Variants in OAT observed in about 807,000 individuals in gnomAD.
OAT encodes the protein ornithine aminotransferase.
A neutral mutation model predicts 48.4 loss-of-function variants in OAT; 35 were observed. The ratio of observed to expected loss-of-function variants is 0.72; its 90% CI spans 0.55 to 0.96. OAT has a LOEUF of 0.96. Among genes scored for constraint, OAT ranks in the 40% least tolerant of loss-of-function variants. The pLI is 0.00. For missense variants in OAT, 438 were observed against 537.9 expected, an observed-to-expected ratio of 0.81 and a Z score of 1.84; for synonymous variants, 182 against 198.4, an observed-to-expected ratio of 0.92 and a Z score of 0.70.
intron 9 of OAT, among the ~76,000 whole-genome samples, chr10:124,399,026 C>G (rs7477313): frequency 0.35 from 52,848 of 151,374 alleles, 10,450 homozygotes; most frequent in East Asian, 0.63. Context: ...GAGCAAGGCA[C>G]TGTCTCAAAA....
At chr10:124,407,776 T>C (rs890832270) in intron 4 of OAT, among the ~76,000 whole-genome samples, 3 of 152,184 alleles carry the variant, frequency 2.0e-5, no homozygotes, top group Non-Finnish European at 4.4e-5. Flanking sequence ...TTGAATATCA[T>C]ATAAAGAACC....
intron 1 of OAT, 23 bp downstream of exon 1, chr10:124,418,850 G>C (rs1455473131): frequency 6.6e-6 from 1 of 151,866 alleles, no homozygotes; most frequent in Non-Finnish European, 1.5e-5. Flanking sequence ...CAGAGCCCCA[G>C]GACAGCGGCG....
chr10:124,415,826 T>C (rs1254952), intron 1 of OAT, among the ~76,000 whole-genome samples: 6 of 152,106 alleles, frequency 3.9e-5, no homozygotes, highest in Non-Finnish European at 7.3e-5. Context: ...AATGTTACTG[T>C]GCCAAATCCA....
In OAT at chr10:124,412,119, A is replaced by C. The variant is rs936776703; in HGVS notation, c.53T>G (p.Val18Gly). ...LQRFAVLSRG[V>G]HSSVASATSV... ...TGTAGCAGAAGCCACTGAAGAATGA[A>C]CTCCGCGACTAAGTACAGCAAACCT... Residue 18 changes from valine to glycine, a missense_variant, in exon 2 of 10, where the codon GTT (valine) becomes GGT (glycine). By Grantham distance (109) the Val-to-Gly change is moderately radical (BLOSUM62 -3). Transcript: ENST00000368845. 6.2e-7 allele frequency: 1 copy of C among 1,614,112 alleles called. No individual in the cohort carries two copies. The highest frequency in any genetic ancestry group is 2.2e-5 in the East Asian group (1 of 44,886).
At position 124,401,730 on chromosome 10, in the gene OAT, A is replaced by AG; in HGVS notation, c.1009dup (p.Leu337ProfsTer2). On this transcript the variant is annotated frameshift_variant, in exon 8 of 10. Coordinates refer to ENST00000368845, the MANE Select transcript of OAT (RefSeq NM_000274.4). LOFTEE classifies it high-confidence loss of function. ...TGTGGCTGTATCAGTCTTTACCTCA[A>AG]GGGCTGCGATGGCCACTCGGCAGCC... 5.6e-6 allele frequency: 9 copies of AG among 1,607,508 alleles called. No homozygotes were observed. The highest frequency in any genetic ancestry group is 6.0e-6 in the Non-Finnish European group (7 of 1,174,626).
At chr10:124,401,503 GT>G (rs1442441245) in intron 8 of OAT, among the ~76,000 whole-genome samples, 2 of 152,234 alleles carry the variant, frequency 1.3e-5, no homozygotes, top group Non-Finnish European at 2.9e-5. Context: ...AAAGCGCCAG[GT>G]GACTGTGAAC....
At chr10:124,417,592 T>G (rs891424790) in intron 1 of OAT, among the ~76,000 whole-genome samples, 3 of 152,138 alleles carry the variant, frequency 2.0e-5, no homozygotes, top group Non-Finnish European at 4.4e-5. Flanking sequence ...GGGCTAAAAA[T>G]AAGCTTTTTA....
intron 9 of OAT, among the ~76,000 whole-genome samples, chr10:124,400,626 G>A (rs1032827785): frequency 1.3e-4 from 20 of 151,966 alleles, no homozygotes; most frequent in Non-Finnish European, 1.5e-4. Flanking sequence ...GGTGACAGGC[G>A]CCTGTAATCC....
intron 4 of OAT, chr10:124,405,912 C>A: frequency 8.6e-7 from 1 of 1,164,640 alleles, no homozygotes; most frequent in South Asian, 1.8e-5. Context: ...TGCATGTTTT[C>A]TAGAGAAGGT....
intron 4 of OAT, among the ~76,000 whole-genome samples, chr10:124,406,785 A>C (rs1270285663): frequency 2.9e-5 from 4 of 138,148 alleles, no homozygotes; most frequent in African/African-American, 1.1e-4. Flanking sequence ...CTAGGTGACA[A>C]GAGTGAAACT....
At chr10:124,402,737 G>A (rs575991369) in intron 7 of OAT, among the ~76,000 whole-genome samples, 190 bp downstream of exon 7, 1 of 152,206 alleles carries the variant, frequency 6.6e-6, no homozygotes, top group South Asian at 2.1e-4. Flanking sequence ...AATTCTTCAG[G>A]CAATAAGTAA....
chr10:124,410,811 G>A (rs925096545), intron 2 of OAT, among the ~76,000 whole-genome samples: 1 of 151,648 alleles, frequency 6.6e-6, no homozygotes, highest in Admixed American at 6.6e-5. Context: ...AAGTCATTGC[G>A]TTTTTGGAAA....
chr10:124,411,982 T>C lies in OAT; in HGVS notation c.190A>G (p.Arg64Gly). The change falls in exon 2 of 10, where the codon AGA becomes GGA. Residue 64 changes from arginine to glycine, a missense_variant. Physicochemically the swap from Arg to Gly is moderately radical, Grantham distance 125. Transcript: ENST00000368845. ...NYHPLPVALE[R>G]GKGIYLWDVE... ...TTAATTTGAAACGTACCTTTTCCTC[T>C]CTCCAGGGCTACAGGTAAAGGATGG... is the stretch of plus-strand genomic sequence containing the variant. The C allele has an allele frequency of 6.2e-7, 1 of 1,614,018 alleles. No individual in the cohort carries two copies. The highest frequency in any genetic ancestry group is 1.1e-5 in the South Asian group (1 of 91,078).
chr10:124,403,134 C>T, intron 6 of OAT, 79 bp from the exon 7 acceptor site: 2 of 1,466,696 alleles, frequency 1.4e-6, no homozygotes, highest in Non-Finnish European at 1.9e-6. Context: ...TTTCACTGTC[C>T]CCCCACCAAC....
In OAT at chr10:124,411,987, A is replaced by G. The variant is rs376537352; in HGVS notation, c.185T>C (p.Leu62Pro). Reference sequence around the variant, plus strand: ...TTGAAACGTACCTTTTCCTCTCTCCAGGGCTACAGGTAAAGGATGGTAGTT... The same window carrying G: ...TTGAAACGTACCTTTTCCTCTCTCCGGGGCTACAGGTAAAGGATGGTAGTT... ...AHNYHPLPVA[L>P]ERGKGIYLWD... Residue 62 changes from leucine to proline, a missense_variant, in exon 2 of 10, where the codon CTG becomes CCG. Coordinates refer to ENST00000368845, the MANE Select transcript of OAT (RefSeq NM_000274.4). The G allele has an allele frequency of 1.2e-6, 2 of 1,613,988 alleles. No homozygotes were observed. The highest frequency in any genetic ancestry group is 1.7e-6 in the Non-Finnish European group (2 of 1,179,816).
Position 124,398,057 on chromosome 10 carries a change from A to C in OAT, c.1205T>G (p.Leu402Arg), listed in dbSNP as rs121965043. Residue 402 changes from leucine (L) to arginine (R), a missense_variant, in exon 10 of 10, where the codon CTT becomes CGT. Transcript: ENST00000368845. ...GTCGCCATGGGTTGGCTTGGCCAGAAGTCCATTATCTCGAAGTCGTAGACA... is the reference window on the plus strand; with the variant it reads ...GTCGCCATGGGTTGGCTTGGCCAGACGTCCATTATCTCGAAGTCGTAGACA... ...KVCLRLRDNG[L>R]LAKPTHGDII... 1.9e-6 allele frequency: 3 copies of C among 1,614,040 alleles called. No individual in the cohort carries two copies. Among genetic ancestry groups the C allele is most frequent in the Non-Finnish European group, 2.5e-6 (3 of 1,180,012 alleles).
At position 124,403,816 on chromosome 10, in the gene OAT, C is replaced by T. The variant is rs1589702393; in HGVS notation, c.753G>A (p.Glu251=). ...TGACAACCTGGTGCCTGGTGCAGAG[C>T]TCTCGCACTCCCATTAGGTAACCTG... ...PDPGYLMGVR[E]LCTRHQVLFI... The change falls in exon 6 of 10, where the codon GAG becomes GAA. Residue 251 remains glutamate, a synonymous_variant. Coordinates refer to ENST00000368845, the MANE Select transcript of OAT (RefSeq NM_000274.4). 1 of 1,614,166 alleles carries T rather than the reference C, an allele frequency of 6.2e-7. No homozygotes were observed. Among genetic ancestry groups the T allele is most frequent in the Non-Finnish European group, 8.5e-7 (1 of 1,180,004 alleles).
chr10:124,414,581 A>C (rs1443366059), intron 1 of OAT: 2 of 152,376 alleles, frequency 1.3e-5, no homozygotes, highest in Non-Finnish European at 2.9e-5. Context: ...AGCTGCTAGC[A>C]AAAATGTCTA....
chr10:124,416,110 G>T (rs1027135570), intron 1 of OAT, among the ~76,000 whole-genome samples: 4 of 151,964 alleles, frequency 2.6e-5, no homozygotes, highest in African/African-American at 9.7e-5. Flanking sequence ...TACTATTTAA[G>T]TCCCTCCTAG....
Sources: gnomAD v4.1 joint callset for allele counts (sites outside exome capture counted in the v4.1 genomes callset) on GRCh38, gnomAD v4.1.1 for gene constraint, MANE v1.5 for transcripts, NCBI Gene and HGNC (gene_info 2026-07-23, HGNC 2026-07-21) for gene names.